Variants in MTUS2 observed in about 807,000 individuals in gnomAD.
MTUS2 encodes microtubule associated scaffold protein 2.
Under a neutral mutation model 114.1 loss-of-function variants are expected in MTUS2, and 40 were observed. The ratio of observed to expected loss-of-function variants is 0.35; its 90% CI spans 0.27 to 0.46. The LOEUF is 0.46. Ranked by LOEUF, MTUS2 falls within the 20% of genes least tolerant of loss-of-function variation. MTUS2 has a pLI of 1.00. For missense variants in MTUS2, 1,679 were observed against 1,705.4 expected, an observed-to-expected ratio of 0.98 and a Z score of 0.27; for synonymous variants, 688 against 672.0, an observed-to-expected ratio of 1.02 and a Z score of -0.37.
Position 29,100,875 on chromosome 13 carries a change from C to T in MTUS2, c.2549C>T (p.Ala850Val), listed in dbSNP as rs777823437. 9.0e-6 allele frequency: 14 copies of T among 1,560,010 alleles called. No homozygotes were observed. Among genetic ancestry groups the T allele is most frequent in the African/African-American group, 2.7e-5 (2 of 73,522 alleles). The change falls in exon 5 of 16, where the codon GCG becomes GTG. Residue 850 changes from alanine (A) to valine (V), a missense_variant. Ala to Val is a moderately conservative substitution (Grantham distance 64). Around this residue, in one of 3 missense-constraint regions of MTUS2, gnomAD observed 822 missense variants for 899.7 expected, o/e 0.91. Transcript: ENST00000612955. ...TCACGTCTCCCGGCAGCCAAACTGG[C>T]GGCATTTGGCTTTGTCCGGAGCTCC... ...GYSRLPAAKLAAFGFVRSSSV... is the reference protein window; with the variant it reads ...GYSRLPAAKLVAFGFVRSSSV...
At chr13:29,501,288 T>C in intron 15 of MTUS2, 94 bp downstream of exon 15, 1 of 901,826 alleles carries the variant, frequency 1.1e-6, no homozygotes, top group Non-Finnish European at 1.8e-6. Flanking sequence ...CTGTGAGTCT[T>C]TCCCCACAGT....
chr13:29,465,058 C>T (rs186395134), intron 9 of MTUS2, among the ~76,000 whole-genome samples: 1 of 152,300 alleles, frequency 6.6e-6, no homozygotes, highest in East Asian at 1.9e-4. Flanking sequence ...AAGCAGGAAT[C>T]ACACCTACTT....
At chr13:29,209,839 C>G (rs559979924) in intron 5 of MTUS2, among the ~76,000 whole-genome samples, 29 of 152,298 alleles carry the variant, frequency 1.9e-4, no homozygotes, top group African/African-American at 7.0e-4. Context: ...TTACTTGTTA[C>G]TTTTTCCTCA....
intron 8 of MTUS2, among the ~76,000 whole-genome samples, chr13:29,390,880 T>G (rs1873394976): frequency 6.6e-6 from 1 of 151,076 alleles, no homozygotes; most frequent in East Asian, 2.0e-4. Context: ...CCTCCCAGGT[T>G]CAAGCAATTC....
intron 10 of MTUS2, among the ~76,000 whole-genome samples, chr13:29,483,153 T>C (rs1458498782): frequency 1.3e-5 from 2 of 152,200 alleles, no homozygotes; most frequent in Admixed American, 6.5e-5. Flanking sequence ...ATCTCTGTCC[T>C]TCTGGAACCT....
At chr13:29,416,892 G>A (rs1875708980) in intron 8 of MTUS2, among the ~76,000 whole-genome samples, 1 of 152,092 alleles carries the variant, frequency 6.6e-6, no homozygotes, top group African/African-American at 2.4e-5. Context: ...AAGTCTTAGA[G>A]TTGCTATCTC....
intron 8 of MTUS2, among the ~76,000 whole-genome samples, chr13:29,397,479 T>C (rs1280608405): frequency 6.6e-6 from 1 of 152,214 alleles, no homozygotes; most frequent in Non-Finnish European, 1.5e-5. Flanking sequence ...ACCAGCAGCA[T>C]TGGCGATGTC....
chr13:29,064,425 G>A (rs1279456049), intron 4 of MTUS2, among the ~76,000 whole-genome samples: 3 of 133,246 alleles, frequency 2.3e-5, no homozygotes, highest in Non-Finnish European at 4.7e-5. Flanking sequence ...GACAGAATTG[G>A]GTATCTTTAG....
At chr13:29,000,723 C>T (rs1376152072) in intron 2 of MTUS2, among the ~76,000 whole-genome samples, 1 of 152,150 alleles carries the variant, frequency 6.6e-6, no homozygotes, top group East Asian at 1.9e-4. Context: ...TAAGTTAGGA[C>T]CTGGATGTCA....
chr13:29,379,323 C>T (rs1372173078), intron 8 of MTUS2, among the ~76,000 whole-genome samples: 1 of 152,160 alleles, frequency 6.6e-6, no homozygotes, highest in Non-Finnish European at 1.5e-5. Flanking sequence ...TCCTGGAAGA[C>T]TCAGAGGGGA....
intron 5 of MTUS2, among the ~76,000 whole-genome samples, chr13:29,236,595 A>G (rs907021210): frequency 6.6e-6 from 1 of 152,228 alleles, no homozygotes; most frequent in Non-Finnish European, 1.5e-5. Flanking sequence ...CAGTATTAGG[A>G]TAGTTACAGT....
intron 5 of MTUS2, among the ~76,000 whole-genome samples, chr13:29,178,057 G>A (rs1439852455): frequency 1.3e-5 from 2 of 152,146 alleles, no homozygotes; most frequent in South Asian, 2.1e-4. Context: ...GCAGTGCCCC[G>A]GTGGTTGGCT....
At chr13:28,874,707 A>C (rs150817355) in intron 2 of MTUS2, among the ~76,000 whole-genome samples, 1 of 152,264 alleles carries the variant, frequency 6.6e-6, no homozygotes, top group Non-Finnish European at 1.5e-5. Flanking sequence ...TGTCACTTTT[A>C]CCAACTTCAG....
rs531391650 is a variant in MTUS2 at position 29,032,816 on chromosome 13, T to A, written c.2206-1069T>A. Among the ~76,000 whole-genome samples, 12 of 152,338 alleles carry A rather than the reference T, an allele frequency of 7.9e-5. No homozygotes were observed. The South Asian group carries it at 2.1e-3, about 26-fold the overall frequency. ...TTAAATGCTTATGATTCCTGAGATA[T>A]AAGTTTGACACATAAAATGTGCTGT... On this transcript the variant is annotated intron_variant, in intron 3 of 15. Coordinates refer to ENST00000612955, the MANE Select transcript of MTUS2 (RefSeq NM_001033602.4).
intron 2 of MTUS2, among the ~76,000 whole-genome samples, chr13:28,996,361 T>G (rs1482957527): frequency 6.6e-6 from 1 of 152,186 alleles, no homozygotes; most frequent in African/African-American, 2.4e-5. Flanking sequence ...AAAATTTTCT[T>G]TTTTTGTTGT....
intron 5 of MTUS2, among the ~76,000 whole-genome samples, chr13:29,112,348 G>A (rs928439450): frequency 7.2e-5 from 11 of 152,156 alleles, no homozygotes; most frequent in Non-Finnish European, 1.6e-4. Flanking sequence ...GAGGTTCCTG[G>A]AAAGAGATGG....
In MTUS2 at chr13:29,411,294, C is replaced by G. The variant is rs568279546; in HGVS notation, c.3118-28689C>G. ...ATGTAGACCTAATTTTATCTTTATT[C>G]AAATGGCTACCCAGCACTACTTATT... On this transcript the variant is annotated intron_variant, in intron 8 of 15. Transcript: ENST00000612955. 2.6e-5 allele frequency among the ~76,000 whole-genome samples: 4 copies of G among 152,298 alleles called. No individual in the cohort carries two copies. The East Asian group carries it at 5.8e-4, about 22-fold the overall frequency.
chr13:29,000,487 C>G (rs1885334760), intron 2 of MTUS2, among the ~76,000 whole-genome samples: 2 of 152,184 alleles, frequency 1.3e-5, no homozygotes, highest in East Asian at 1.9e-4. Context: ...CTGAGCCTCC[C>G]AAGTAGCTGG....
Position 29,004,582 on chromosome 13 carries a change from C to T in MTUS2, c.-242-19875C>T, listed in dbSNP as rs187148843. Among the ~76,000 whole-genome samples, 324 of 152,328 alleles carry T rather than the reference C, an allele frequency of 2.1e-3. 2 individuals are homozygous for T. Among genetic ancestry groups the T allele is most frequent in the African/African-American group, 7.3e-3 (305 of 41,572 alleles). ...ATCTTTTGTGTAATGAAAAGCAACACTTGGTAGTTTCCAGACTATGTGTAT... is the reference window on the plus strand; with the variant it reads ...ATCTTTTGTGTAATGAAAAGCAACATTTGGTAGTTTCCAGACTATGTGTAT... On this transcript the variant is annotated intron_variant, in intron 2 of 15. Transcript: ENST00000612955.
Sources: gnomAD v4.1 joint callset for allele counts (sites outside exome capture counted in the v4.1 genomes callset) on GRCh38, gnomAD v4.1.1 for gene constraint, gnomAD v4.1.1 regional missense constraint, MANE v1.5 for transcripts, NCBI Gene and HGNC (gene_info 2026-07-23, HGNC 2026-07-21) for gene names.